Variants in PCDH7 observed in about 807,000 individuals in gnomAD.
PCDH7 encodes the protein protocadherin-7.
In PCDH7, 17 loss-of-function variants were observed where a neutral mutation model predicts 58.9. That is an observed-to-expected ratio of 0.29 (90% CI 0.20 to 0.43). The LOEUF is 0.43. Among genes scored for constraint, PCDH7 ranks in the 20% least tolerant of loss-of-function variants. The probability of loss-of-function intolerance (pLI) is 1.00; values close to 1 mark genes in which losing one functional copy is unlikely to be tolerated. For missense variants in PCDH7, 1,274 were observed against 1,441.0 expected (o/e 0.88, Z 1.88); for synonymous variants, 664 against 616.4 (o/e 1.08, Z -1.14).
intron 1 of PCDH7, among the ~76,000 whole-genome samples, chr4:30,890,131 A>C (rs1365558973): frequency 6.6e-6 from 1 of 152,128 alleles, no homozygotes; most frequent in Non-Finnish European, 1.5e-5. Flanking sequence ...ACTTAAGGAG[A>C]TATTATTAGT....
chr4:30,807,664 A>G (rs1726405948), intron 1 of PCDH7, among the ~76,000 whole-genome samples: 1 of 152,154 alleles, frequency 6.6e-6, no homozygotes. Flanking sequence ...AACAACAAAT[A>G]TTCTATTTTT....
chr4:30,874,895 T>G (rs182068436), intron 1 of PCDH7, among the ~76,000 whole-genome samples: 1 of 151,930 alleles, frequency 6.6e-6, no homozygotes. Context: ...TTATTATTTA[T>G]TATTCTTATT....
intron 1 of PCDH7, among the ~76,000 whole-genome samples, chr4:30,821,430 C>G (rs1174936618): frequency 6.6e-6 from 1 of 152,188 alleles, no homozygotes; most frequent in Non-Finnish European, 1.5e-5. Context: ...ACAGTTGACT[C>G]ATGGTGTTTG....
intron 3 of PCDH7, among the ~76,000 whole-genome samples, chr4:31,076,721 A>G (rs1335626439): frequency 6.6e-6 from 1 of 152,226 alleles, no homozygotes; most frequent in Admixed American, 6.5e-5. Flanking sequence ...ATGAAGATCT[A>G]AAACATACAG....
At chr4:30,881,843 G>C (rs1226777622) in intron 1 of PCDH7, among the ~76,000 whole-genome samples, 1 of 152,026 alleles carries the variant, frequency 6.6e-6, no homozygotes, top group African/African-American at 2.4e-5. Context: ...TTGGAGTTCT[G>C]TGCCTATTCC....
chr4:31,005,460 C>A (rs192661643), intron 3 of PCDH7, among the ~76,000 whole-genome samples: 69 of 152,038 alleles, frequency 4.5e-4, no homozygotes, highest in Non-Finnish European at 7.4e-4. Context: ...ATCAACAGAT[C>A]AGCTGGAAAG....
chr4:30,773,913 A>AT (rs1031975156), intron 1 of PCDH7, among the ~76,000 whole-genome samples: 28 of 152,000 alleles, frequency 1.8e-4, no homozygotes, highest in Non-Finnish European at 3.7e-4. Flanking sequence ...TTTCTTTTTA[A>AT]TTTTTATGAC....
In PCDH7 at chr4:31,138,386, C is replaced by G. The variant is rs1388914848; in HGVS notation, c.*8-4087C>G. On this transcript the variant is annotated intron_variant, in intron 3 of 3. Transcript: ENST00000509759. ...TTTGTGACTCTGTGACATCTATTTC[C>G]TGTGCTACTCAGATTTTTTTTTCTC... 3.3e-5 allele frequency among the ~76,000 whole-genome samples: 5 copies of G among 152,050 alleles called. No individual in the cohort carries two copies. The East Asian group carries it at 7.7e-4, about 24-fold the overall frequency.
chr4:30,789,859 C>T (rs1723888756), intron 1 of PCDH7, among the ~76,000 whole-genome samples: 1 of 152,100 alleles, frequency 6.6e-6, no homozygotes, highest in Non-Finnish European at 1.5e-5. Flanking sequence ...CTTATGTCCC[C>T]CTGTTTCTAA....
At position 30,722,437 on chromosome 4, in the gene PCDH7, G is replaced by T; in HGVS notation, c.1015G>T (p.Val339Phe). Residue 339 changes from valine (V) to phenylalanine (F), a missense_variant, in exon 1 of 2, where the codon GTC becomes TTC. Physicochemically the swap from Val to Phe is conservative, Grantham distance 50 (BLOSUM62 -1). Around this residue, in one of 3 missense-constraint regions of PCDH7, gnomAD observed 331 missense variants for 303.2 expected, o/e 1.09. Transcript: ENST00000361762. This position sits in a 1 kb window ranked among gnomAD's most constrained non-coding sequence, Gnocchi z 7.6. ...GCGCGCAGCCGACTTGGACGTGGGG[G>T]TCAACGGGCAGATCGAATACGTGTT... 1 of 1,612,370 alleles carries T rather than the reference G, an allele frequency of 6.2e-7. No homozygotes were observed. Among genetic ancestry groups the T allele is most frequent in the East Asian group, 2.2e-5 (1 of 44,828 alleles).
chr4:31,093,624 A>G (rs530074172), intron 3 of PCDH7, among the ~76,000 whole-genome samples: 1 of 152,116 alleles, frequency 6.6e-6, no homozygotes, highest in Non-Finnish European at 1.5e-5. Flanking sequence ...TGAAAAAGAC[A>G]TTTGTTAACT....
chr4:30,898,880 G>A (rs1240158091), intron 1 of PCDH7, among the ~76,000 whole-genome samples: 2 of 152,050 alleles, frequency 1.3e-5, no homozygotes, highest in African/African-American at 4.8e-5. Flanking sequence ...CGTGAGCCAC[G>A]GCGCCTGGCC....
chr4:30,730,853 G>T, exon 2 of PCDH7: 1 of 1,522,646 alleles, frequency 6.6e-7, no homozygotes, highest in Non-Finnish European at 8.8e-7. Flanking sequence ...TCCGAAACCT[G>T]CTGGAGCCTG....
intron 1 of PCDH7, among the ~76,000 whole-genome samples, chr4:30,841,515 C>A (rs1425491781): frequency 6.6e-6 from 1 of 152,038 alleles, no homozygotes; most frequent in Non-Finnish European, 1.5e-5. Flanking sequence ...AAAGCATTAC[C>A]CTCCAGACAT....
At chr4:30,893,035 G>T (rs761111507) in intron 1 of PCDH7, among the ~76,000 whole-genome samples, 2 of 152,002 alleles carry the variant, frequency 1.3e-5, no homozygotes, top group Non-Finnish European at 2.9e-5. Context: ...TGTCATATTG[G>T]AGTGTGACTA....
At chr4:30,989,749 A>G (rs748188080) in intron 3 of PCDH7, among the ~76,000 whole-genome samples, 3 of 152,170 alleles carry the variant, frequency 2.0e-5, no homozygotes, top group Non-Finnish European at 4.4e-5. Context: ...AATAGGGGTT[A>G]TGTTGTATAT....
chr4:30,824,204 A>G (rs1728822179), intron 1 of PCDH7, among the ~76,000 whole-genome samples: 2 of 136,050 alleles, frequency 1.5e-5, no homozygotes, highest in African/African-American at 5.5e-5. Flanking sequence ...ATCTTCTGGG[A>G]AATCTTTCTC....
At chr4:30,773,092 G>T (rs1394051566) in intron 1 of PCDH7, among the ~76,000 whole-genome samples, 1 of 152,120 alleles carries the variant, frequency 6.6e-6, no homozygotes, top group African/African-American at 2.4e-5. Context: ...TTGTAGAGAC[G>T]GGATTTTACT....
intron 1 of PCDH7, among the ~76,000 whole-genome samples, chr4:30,864,432 AACAC>A (rs5857208): frequency 0.093 from 13,523 of 146,156 alleles, 963 homozygotes; most frequent in African/African-American, 0.19. Flanking sequence ...ATTATTGGAG[AACAC>A]ACACACACAC....
Sources: allele counts gnomAD v4.1 joint callset (sites outside exome capture counted in the v4.1 genomes callset), GRCh38; gene constraint gnomAD v4.1.1; regional missense constraint gnomAD v4.1.1; non-coding constraint Gnocchi (gnomAD v3.1); transcripts MANE v1.5; gene names NCBI Gene and HGNC (gene_info 2026-07-23, HGNC 2026-07-21).